Variants in PUM1 observed in about 807,000 individuals in gnomAD.
PUM1 encodes the protein pumilio RNA binding family member 1.
In PUM1, 13 loss-of-function variants were observed where a neutral mutation model predicts 131.8. That is an observed-to-expected ratio of 0.10 (90% confidence interval 0.06 to 0.16). The LOEUF (loss-of-function observed/expected upper bound fraction) is 0.16, where lower values mean the gene tolerates loss of function less well. PUM1 is among the 10% of genes least tolerant of loss of function. PUM1 has a pLI of 1.00. For synonymous variants in PUM1, 509 were observed against 556.5 expected, an observed-to-expected ratio of 0.91 and a Z score of 1.20; for missense variants, 961 against 1,512.4, an observed-to-expected ratio of 0.64 and a Z score of 6.05.
chr1:30,935,731 G>A (rs1466859207), intron 21 of PUM1: 7 of 447,204 alleles, frequency 1.6e-5, no homozygotes, highest in East Asian at 6.9e-5. Context: ...TCTCATTACC[G>A]AACTTTGTTC....
rs1470517611 is a variant in PUM1 at position 30,938,896 on chromosome 1, TAGATAGATAGACAGAC to T, written c.3243-2077_3243-2062del. On this transcript the variant is annotated intron_variant, in intron 20 of 21. Coordinates refer to ENST00000426105, the MANE Select transcript of PUM1 (RefSeq NM_001020658.2). ...AGATAGAGATAGATAGATAGATAGA[TAGATAGATAGACAGAC>T]AGACAGACAGACAGACAGACAGACA... Among the ~76,000 whole-genome samples, 434 of 110,286 alleles carry T rather than the reference TAGATAGATAGACAGAC, an allele frequency of 3.9e-3. 5 individuals are homozygous for T. The highest frequency in any genetic ancestry group is 0.011 in the African/African-American group (404 of 35,438). 72.4% of individuals were successfully genotyped at this position (110,286 alleles called of 152,430 possible).
rs148939923 is a variant in PUM1 at position 30,956,527 on chromosome 1, G to T, written c.2324-2546C>A. Among the ~76,000 whole-genome samples the T allele has an allele frequency of 5.1e-3, 775 of 152,264 alleles. 4 individuals carry two copies. The highest frequency in any genetic ancestry group is 0.032 in the East Asian group (166 of 5,188). On this transcript the variant is annotated intron_variant, in intron 14 of 21. Coordinates refer to ENST00000426105, the MANE Select transcript of PUM1 (RefSeq NM_001020658.2). ...GATCCGCCCATCTCAGCCTCCCAAAGTGCTGGGATTACAGGCATGAGCCAC... is the reference window on the plus strand; with the variant it reads ...GATCCGCCCATCTCAGCCTCCCAAATTGCTGGGATTACAGGCATGAGCCAC...
intron 3 of PUM1, among the ~76,000 whole-genome samples, chr1:31,015,347 CTTTTTT>C (rs1308071061): frequency 1.6e-4 from 24 of 147,822 alleles, no homozygotes; most frequent in Non-Finnish European, 2.7e-4. Context: ...TTTTCTTTTT[CTTTTTT>C]TTTTTTGAGA....
chr1:31,019,118 T>C lies in PUM1; in HGVS notation c.432+9678A>G, dbSNP rs147308082. ...CTGTAATCCTAGCTCTTTGGGAGGC[T>C]GAGGCGAGCGAATCGCTTGAGCCCA... On this transcript the variant is annotated intron_variant, in intron 3 of 21. Transcript: ENST00000426105. 5.2e-3 allele frequency among the ~76,000 whole-genome samples: 794 copies of C among 152,262 alleles called. 6 individuals carry two copies. Among genetic ancestry groups the C allele is most frequent in the African/African-American group, 0.018 (734 of 41,554 alleles).
At chr1:31,008,085 T>C (rs970058028) in intron 3 of PUM1, among the ~76,000 whole-genome samples, 1 of 152,098 alleles carries the variant, frequency 6.6e-6, no homozygotes, top group African/African-American at 2.4e-5. Flanking sequence ...ACCTGGAGAG[T>C]TGAATTTCTC....
At chr1:30,967,693 A>G (rs541745332) in intron 11 of PUM1, among the ~76,000 whole-genome samples, 2 of 152,358 alleles carry the variant, frequency 1.3e-5, no homozygotes, top group East Asian at 3.9e-4. Context: ...GAAACAGGTT[A>G]AAGTTATTTA....
intron 3 of PUM1, among the ~76,000 whole-genome samples, chr1:31,019,524 C>T (rs2124531558): frequency 6.6e-6 from 1 of 152,294 alleles, no homozygotes; most frequent in African/African-American, 2.4e-5. Flanking sequence ...AAACCAAGCA[C>T]ATCAAAAGAT....
intron 14 of PUM1, among the ~76,000 whole-genome samples, chr1:30,957,727 C>T (rs1223369296): frequency 6.6e-6 from 1 of 152,188 alleles, no homozygotes; most frequent in Non-Finnish European, 1.5e-5. Flanking sequence ...GCTTTTTGTA[C>T]TCATAGATCT....
chr1:31,038,984 ATTT>A lies in PUM1; in HGVS notation c.364-10123_364-10121del, dbSNP rs35507851. On this transcript the variant is annotated intron_variant, in intron 2 of 21. Transcript: ENST00000426105. The stretch of plus-strand genomic sequence containing the variant: ...TATATATATATATATATATATATAT[ATTT>A]TTTTTTTTTTTTTCCTTTTCTCTTT... Among the ~76,000 whole-genome samples, 230 of 49,410 alleles carry A rather than the reference ATTT, an allele frequency of 4.7e-3. 9 individuals are homozygous for A. In the Middle Eastern group the frequency reaches 0.075, roughly 16 times the overall value. 32.4% of individuals were successfully genotyped at this position (49,410 alleles called of 152,430 possible).
At chr1:31,011,030 C>A (rs1165667575) in intron 3 of PUM1, among the ~76,000 whole-genome samples, 1 of 152,110 alleles carries the variant, frequency 6.6e-6, no homozygotes, top group African/African-American at 2.4e-5. Context: ...TGGTGGCACA[C>A]CCCTGCAGTC....
At chr1:31,034,992 T>C (rs1220644214) in intron 2 of PUM1, among the ~76,000 whole-genome samples, 4 of 152,180 alleles carry the variant, frequency 2.6e-5, no homozygotes, top group Non-Finnish European at 4.4e-5. Context: ...TAATTTGAAT[T>C]TAATCAACAA....
At chr1:30,963,377 G>T (rs1398554163) in intron 14 of PUM1, among the ~76,000 whole-genome samples, 1 of 152,182 alleles carries the variant, frequency 6.6e-6, no homozygotes, top group Non-Finnish European at 1.5e-5. Flanking sequence ...AATCAGGAAT[G>T]TCACAGTAAC....
intron 8 of PUM1, 43 bp downstream of exon 8, chr1:30,981,269 C>A: frequency 7.9e-7 from 1 of 1,266,586 alleles, no homozygotes; most frequent in South Asian, 1.5e-5. Flanking sequence ...CCTAAAATGG[C>A]GGCCACACCT....
At position 30,992,612 on chromosome 1, in the gene PUM1, CAGA is replaced by C; in HGVS notation, c.933_935del (p.Leu312del). ...CCTCAGAACCATTCTGGTTTGGACC[CAGA>C]AGATCCACTTCATTAGCAGAGTTCT... On this transcript the variant is annotated inframe_deletion, in exon 7 of 22. Transcript: ENST00000426105. 6.2e-7 allele frequency: 1 copy of C among 1,614,112 alleles called. No individual in the cohort carries two copies.
chr1:31,031,920 C>G (rs1287203082), intron 2 of PUM1, among the ~76,000 whole-genome samples: 1 of 152,060 alleles, frequency 6.6e-6, no homozygotes, highest in Non-Finnish European at 1.5e-5. Flanking sequence ...TTTCTTCTCT[C>G]CCTCTCTTTT....
intron 6 of PUM1, among the ~76,000 whole-genome samples, chr1:30,994,667 G>C (rs948547182): frequency 6.6e-6 from 1 of 152,180 alleles, no homozygotes; most frequent in African/African-American, 2.4e-5. Context: ...AACCACCAGA[G>C]GGATATGACA....
At position 30,964,923 on chromosome 1, in the gene PUM1, T is replaced by C; in HGVS notation, c.2087-13A>G. On this transcript the variant is annotated splice_polypyrimidine_tract_variant and intron_variant, in intron 13 of 21. Coordinates refer to ENST00000426105, the MANE Select transcript of PUM1 (RefSeq NM_001020658.2). ...TTGGAGTTTGCAACTAAAATGGAAT[T>C]AAAACAATGCAGATAAGAACAGGCC... 1 of 1,605,768 alleles carries C rather than the reference T, an allele frequency of 6.2e-7. No homozygotes were observed. Among genetic ancestry groups the C allele is most frequent in the East Asian group, 2.2e-5 (1 of 44,818 alleles).
chr1:30,932,248 C>T lies in PUM1; in HGVS notation c.*963G>A, dbSNP rs1026712057. The T allele has an allele frequency of 6.6e-6, 1 of 152,498 alleles. No homozygotes were observed. Among genetic ancestry groups the T allele is most frequent in the Non-Finnish European group, 1.5e-5 (1 of 68,032 alleles). 9.4% of individuals were successfully genotyped at this position (152,498 alleles called of 1,614,324 possible). ...TTTACATTACAGGTATACAAATGTA[C>T]AATTGTACAATCAAAAGTATGTTCG... On this transcript the variant is annotated 3_prime_UTR_variant, in exon 22 of 22. Coordinates refer to ENST00000426105, the MANE Select transcript of PUM1 (RefSeq NM_001020658.2).
intron 2 of PUM1, among the ~76,000 whole-genome samples, chr1:31,038,982 A>ATTTTTTTT (rs1172043445): frequency 7.1e-5 from 2 of 27,978 alleles, no homozygotes; most frequent in East Asian, 1.1e-3. Flanking sequence ...ATATATATAT[A>ATTTTTTTT]TATTTTTTTT....
Sources: gnomAD v4.1 joint callset for allele counts (sites outside exome capture counted in the v4.1 genomes callset) on GRCh38, gnomAD v4.1.1 for gene constraint, MANE v1.5 for transcripts, NCBI Gene and HGNC (gene_info 2026-07-23, HGNC 2026-07-21) for gene names.